PDE1C: variants seen among roughly 807,000 people sequenced by gnomAD.
The protein encoded by PDE1C is dual specificity calcium/calmodulin-dependent 3',5'-cyclic nucleotide phosphodiesterase 1C.
A neutral mutation model predicts 93.1 loss-of-function variants in PDE1C; 62 were observed. The ratio of observed to expected loss-of-function variants is 0.67; its 90% CI spans 0.54 to 0.82. The LOEUF (loss-of-function observed/expected upper bound fraction) is 0.82, where lower values mean the gene tolerates loss of function less well. Among genes scored for constraint, PDE1C ranks in the 40% least tolerant of loss-of-function variants. PDE1C has a pLI of 0.00. For synonymous variants in PDE1C, 325 were observed against 310.1 expected, an observed-to-expected ratio of 1.05 and a Z score of -0.50; for missense variants, 742 against 884.6, an observed-to-expected ratio of 0.84 and a Z score of 2.04.
At chr7:32,271,228 T>C (rs879702911) in intron 1 of PDE1C, among the ~76,000 whole-genome samples, 2 of 152,234 alleles carry the variant, frequency 1.3e-5, no homozygotes, top group Non-Finnish European at 2.9e-5. Context: ...GTCAGCCACC[T>C]TGGGCAAGTC....
At chr7:31,755,261 G>A (rs536187888) in intron 17 of PDE1C, among the ~76,000 whole-genome samples, 86 of 152,254 alleles carry the variant, frequency 5.6e-4, no homozygotes, top group Non-Finnish European at 1.0e-3. Flanking sequence ...TTAATATTTA[G>A]CTTAATAGAG....
At chr7:31,836,311 T>G (rs2128763169) in intron 11 of PDE1C, among the ~76,000 whole-genome samples, 1 of 151,152 alleles carries the variant, frequency 6.6e-6, no homozygotes, top group African/African-American at 2.4e-5. Context: ...TTTAAACAAT[T>G]TATAATAATT....
At chr7:32,061,166 A>G (rs59403907) in intron 1 of PDE1C, among the ~76,000 whole-genome samples, 14,677 of 152,278 alleles carry the variant, frequency 0.096, 808 homozygotes, top group African/African-American at 0.14. Flanking sequence ...TGGATATCCA[A>G]TTGTGACTTT....
intron 2 of PDE1C, among the ~76,000 whole-genome samples, chr7:31,988,660 T>A (rs1446989240): frequency 6.6e-6 from 1 of 152,090 alleles, no homozygotes; most frequent in African/African-American, 2.4e-5. Context: ...GAGTTCCAGT[T>A]CAGCCTGGGG....
chr7:31,620,879 T>C, the PDE1C span, among the ~76,000 whole-genome samples: 16 of 151,910 alleles, frequency 1.1e-4, no homozygotes, highest in African/African-American at 3.6e-4. Context: ...GACGAATGTA[T>C]AACTAGAATA....
At chr7:31,902,584 A>C (rs1001620185) in intron 2 of PDE1C, among the ~76,000 whole-genome samples, 1 of 151,964 alleles carries the variant, frequency 6.6e-6, no homozygotes, top group Middle Eastern at 3.4e-3. Context: ...ATCTAATAAA[A>C]TAAATAAGCA....
intron 2 of PDE1C, among the ~76,000 whole-genome samples, chr7:32,033,856 A>G (rs1790660729): frequency 2.6e-5 from 4 of 152,200 alleles, no homozygotes. Flanking sequence ...AGACCTGGAC[A>G]TTTAAATTCA....
At chr7:32,238,063 C>T (rs1808264505) in intron 1 of PDE1C, among the ~76,000 whole-genome samples, 1 of 152,088 alleles carries the variant, frequency 6.6e-6, no homozygotes, top group Non-Finnish European at 1.5e-5. Context: ...AACCACCACA[C>T]CTGGCCAAAG....
At chr7:31,710,631 A>T in the PDE1C span, among the ~76,000 whole-genome samples, 2 of 146,142 alleles carry the variant, frequency 1.4e-5, no homozygotes, top group Non-Finnish European at 2.9e-5. Context: ...GCTAGCTGAG[A>T]ATAAGAGGCT....
intron 2 of PDE1C, among the ~76,000 whole-genome samples, chr7:31,892,393 T>C (rs1451037438): frequency 6.6e-6 from 1 of 152,118 alleles, no homozygotes; most frequent in Admixed American, 6.6e-5. Flanking sequence ...TAGCAAATGG[T>C]CACCACACTA....
intron 2 of PDE1C, among the ~76,000 whole-genome samples, chr7:32,044,537 T>C (rs1368263390): frequency 6.6e-6 from 1 of 151,966 alleles, no homozygotes; most frequent in Admixed American, 6.6e-5. Flanking sequence ...TAATCAGACA[T>C]AGGTATGCAG....
intron 3 of PDE1C, among the ~76,000 whole-genome samples, chr7:32,103,154 GGA>G (rs897743582): frequency 1.3e-5 from 2 of 152,032 alleles, no homozygotes; most frequent in Non-Finnish European, 2.9e-5. Flanking sequence ...AAGAATAAAA[GGA>G]GACAAAAAGA....
At chr7:32,338,778 C>A (rs553394868) in intron 1 of PDE1C, among the ~76,000 whole-genome samples, 1 of 152,038 alleles carries the variant, frequency 6.6e-6, no homozygotes, top group African/African-American at 2.4e-5. Context: ...CCGAGGTGGG[C>A]GGATCACGAG....
intron 9 of PDE1C, among the ~76,000 whole-genome samples, chr7:31,846,531 A>G (rs190755233): frequency 1.6e-4 from 25 of 152,260 alleles, no homozygotes; most frequent in Admixed American, 3.3e-4. Flanking sequence ...AAACCCTAGA[A>G]GAAAACCTAG....
chr7:31,618,643 ATGTAGAAAC>A, the PDE1C span, among the ~76,000 whole-genome samples: 6,341 of 152,252 alleles, frequency 0.042, 380 homozygotes, highest in African/African-American at 0.13. Context: ...TGGGGTCACA[ATGTAGAAAC>A]CCATAATTAT....
intron 2 of PDE1C, among the ~76,000 whole-genome samples, chr7:32,005,742 T>C (rs536679205): frequency 1.1e-4 from 16 of 152,078 alleles, no homozygotes; most frequent in African/African-American, 3.1e-4. Flanking sequence ...AGAGTAGAAC[T>C]AGAATAGACA....
the PDE1C span, among the ~76,000 whole-genome samples, chr7:31,671,739 T>A: frequency 6.6e-6 from 1 of 152,190 alleles, no homozygotes; most frequent in African/African-American, 2.4e-5. Flanking sequence ...GACACTTTGC[T>A]AGATGGTCAA....
intron 3 of PDE1C, among the ~76,000 whole-genome samples, chr7:32,125,494 T>A (rs1317177162): frequency 6.6e-6 from 1 of 152,094 alleles, no homozygotes; most frequent in Non-Finnish European, 1.5e-5. Context: ...ATAGACTGGA[T>A]AAAGAAAATG....
In PDE1C at chr7:32,061,310, G is replaced by A. The variant is rs564514864; in HGVS notation, c.101+8983C>T. 7.2e-5 allele frequency among the ~76,000 whole-genome samples: 11 copies of A among 152,332 alleles called. No homozygotes were observed. The South Asian group carries it at 2.1e-3, about 29-fold the overall frequency. On this transcript the variant is annotated intron_variant, in intron 1 of 17. Coordinates refer to ENST00000396191, the MANE Select transcript of PDE1C (RefSeq NM_001191057.4). ...CCTTGCAATGGGTCCTTGGATTTGG[G>A]TAGAAATAGAAGGAAGGCCTTAAAG...
Sources: allele counts gnomAD v4.1 joint callset (sites outside exome capture counted in the v4.1 genomes callset), GRCh38; gene constraint gnomAD v4.1.1; transcripts MANE v1.5; gene names NCBI Gene and HGNC (gene_info 2026-07-23, HGNC 2026-07-21).